Variants in SLIT2 observed in about 807,000 individuals in gnomAD.
The protein encoded by SLIT2 is slit homolog 2 protein.
In SLIT2, 41 loss-of-function variants were observed where a neutral mutation model predicts 185.7. The ratio of observed to expected loss-of-function variants is 0.22; its 90% CI spans 0.17 to 0.29. SLIT2 has a LOEUF of 0.29. SLIT2 is among the 10% of genes least tolerant of loss of function. The pLI is 1.00. For synonymous variants in SLIT2, 693 were observed against 680.2 expected (o/e 1.02, Z -0.29); for missense variants, 1,571 against 1,909.0 (o/e 0.82, Z 3.30).
At chr4:20,255,043 G>T in intron 1 of SLIT2, 1 of 456,320 alleles carries the variant, frequency 2.2e-6, no homozygotes, top group Middle Eastern at 3.3e-4. Context: ...TGAACGCCGA[G>T]GCCGCCGCCC....
At position 20,432,951 on chromosome 4, in the gene SLIT2, A is replaced by G. The variant is rs539821894; in HGVS notation, c.396-34801A>G. Among the ~76,000 whole-genome samples the G allele has an allele frequency of 3.5e-4, 54 of 152,188 alleles. 1 individual carries two copies. The South Asian group carries it at 0.011, about 30-fold the overall frequency. ...AATTTTAAAAATTCACAAAGATGAT[A>G]TTTTTTTCCTTCATAGCCACATTAC... On this transcript the variant is annotated intron_variant, in intron 4 of 36. Coordinates refer to ENST00000504154, the MANE Select transcript of SLIT2 (RefSeq NM_004787.4).
intron 29 of SLIT2, among the ~76,000 whole-genome samples, chr4:20,589,118 G>A (rs1390171022): frequency 6.6e-6 from 1 of 152,074 alleles, no homozygotes; most frequent in Non-Finnish European, 1.5e-5. Context: ...TTTCATTTAT[G>A]TCAAGCTCAA....
chr4:20,333,394 A>G (rs148044636), intron 4 of SLIT2, among the ~76,000 whole-genome samples: 1 of 152,280 alleles, frequency 6.6e-6, no homozygotes, highest in East Asian at 1.9e-4. Context: ...ATGCCCTTGA[A>G]TCATTCTTTA....
chr4:20,299,405 C>T (rs865996807), intron 4 of SLIT2, among the ~76,000 whole-genome samples: 25 of 152,052 alleles, frequency 1.6e-4, no homozygotes, highest in African/African-American at 5.6e-4. Flanking sequence ...TTGTACAGTT[C>T]GTTCAAAGGA....
At chr4:20,324,653 CTA>C (rs1719403188) in intron 4 of SLIT2, among the ~76,000 whole-genome samples, 1 of 152,090 alleles carries the variant, frequency 6.6e-6, no homozygotes, top group South Asian at 2.1e-4. Context: ...CACAGAATAA[CTA>C]TGTGATGTAG....
chr4:20,347,105 T>C (rs1299707301), intron 4 of SLIT2, among the ~76,000 whole-genome samples: 1 of 152,162 alleles, frequency 6.6e-6, no homozygotes, highest in Non-Finnish European at 1.5e-5. Context: ...TTGGAAAATA[T>C]CAGAAAATGA....
intron 29 of SLIT2, among the ~76,000 whole-genome samples, chr4:20,576,738 A>T (rs1283077743): frequency 6.6e-6 from 1 of 152,218 alleles, no homozygotes; most frequent in Non-Finnish European, 1.5e-5. Context: ...CTCAAAAAAA[A>T]GTTTTAAAGA....
At position 20,609,056 on chromosome 4, in the gene SLIT2, G is replaced by A. The variant is rs572543438; in HGVS notation, c.3693-957G>A. Among the ~76,000 whole-genome samples the A allele has an allele frequency of 2.1e-4, 32 of 152,162 alleles. 1 individual carries two copies. Among genetic ancestry groups the A allele is most frequent in the South Asian group, 4.1e-4 (2 of 4,824 alleles). The stretch of plus-strand genomic sequence containing the variant: ...CGTGTATTGGTCCTATTTCTTCTTT[G>A]GTCCTGTTTCATTGGTCTGGTTTGC... On this transcript the variant is annotated intron_variant, in intron 33 of 36. Coordinates refer to ENST00000504154, the MANE Select transcript of SLIT2 (RefSeq NM_004787.4).
rs367855245 is a variant in SLIT2, at chr4:20,417,436, GTATA to G, written c.396-50297_396-50294del. On this transcript the variant is annotated intron_variant, in intron 4 of 36. Transcript: ENST00000504154. ...CGCAATCATATATATATGTGTGTGTGTATATATATATATATATATATACGTATAT... is the reference window on the plus strand; with the variant it reads ...CGCAATCATATATATATGTGTGTGTGTATATATATATATATATACGTATAT... 6.9e-4 allele frequency among the ~76,000 whole-genome samples: 85 copies of G among 123,656 alleles called. 1 individual carries two copies. Among genetic ancestry groups the G allele is most frequent in the Non-Finnish European group, 1.2e-3 (66 of 56,750 alleles). 81.1% of individuals were successfully genotyped at this position (123,656 alleles called of 152,430 possible). A position where few individuals can be genotyped will look rare whatever the true frequency, so the allele number is the denominator to read the frequency against.
chr4:20,292,454 G>A (rs1716047303), intron 4 of SLIT2, among the ~76,000 whole-genome samples: 1 of 152,170 alleles, frequency 6.6e-6, no homozygotes, highest in African/African-American at 2.4e-5. Flanking sequence ...AGGAGTTTGA[G>A]AGTAGCTTTC....
chr4:20,592,679 C>A (rs2148952698), intron 30 of SLIT2, among the ~76,000 whole-genome samples: 1 of 152,110 alleles, frequency 6.6e-6, no homozygotes, highest in East Asian at 1.9e-4. Context: ...TGTTTCAAAG[C>A]ATTTCTTCTT....
At chr4:20,368,871 C>T (rs1299918864) in intron 4 of SLIT2, among the ~76,000 whole-genome samples, 2 of 152,020 alleles carry the variant, frequency 1.3e-5, no homozygotes, top group Admixed American at 6.6e-5. Context: ...CTCCTGAAAC[C>T]CTGGGGTTGA....
At chr4:20,572,514 T>C (rs1725695797) in intron 29 of SLIT2, among the ~76,000 whole-genome samples, 1 of 152,220 alleles carries the variant, frequency 6.6e-6, no homozygotes, top group South Asian at 2.1e-4. Flanking sequence ...AAGACATTTC[T>C]TGGAGCTAAA....
In SLIT2 at chr4:20,541,617, A is replaced by G. The variant is rs1201553258; in HGVS notation, c.2141A>G (p.Asp714Gly). The G allele has an allele frequency of 6.2e-7, 1 of 1,613,342 alleles. No individual in the cohort carries two copies. The highest frequency in any genetic ancestry group is 2.2e-5 in the East Asian group (1 of 44,886). ...GCCATTCAGGACTTCACTTGTGATG[A>G]CGGTAAGAAATACTTATCAACTCTT... ...DVAIQDFTCD[D>G]GNDDNSCSPL... Residue 714 changes from aspartate to glycine, a missense_variant and splice_region_variant, in exon 20 of 37, where the codon GAC becomes GGC. Around this residue, in one of 3 missense-constraint regions of SLIT2, gnomAD observed 1,202 missense variants for 1,416.4 expected, o/e 0.85. Transcript: ENST00000504154.
At chr4:20,472,598 C>CGATATATATAGATATATCGATA (rs1243899697) in intron 5 of SLIT2, among the ~76,000 whole-genome samples, 79 of 7,774 alleles carry the variant, frequency 0.01, 31 homozygotes, top group East Asian at 0.071. Context: ...AGATATATAT[C>CGATATATATAGATATATCGATA]TATAGATATA....
intron 4 of SLIT2, among the ~76,000 whole-genome samples, chr4:20,415,304 A>G (rs1280907577): frequency 1.4e-5 from 2 of 148,008 alleles, no homozygotes; most frequent in African/African-American, 2.5e-5. Flanking sequence ...CCAGCTACTC[A>G]GGAGGCTGAG....
intron 4 of SLIT2, among the ~76,000 whole-genome samples, chr4:20,335,055 C>T (rs910642221): frequency 6.6e-6 from 1 of 152,158 alleles, no homozygotes; most frequent in African/African-American, 2.4e-5. Context: ...GGTGTTCTTT[C>T]TGTGTAGTCC....
intron 4 of SLIT2, among the ~76,000 whole-genome samples, chr4:20,349,457 C>A (rs1721692126): frequency 6.6e-6 from 1 of 152,040 alleles, no homozygotes; most frequent in African/African-American, 2.4e-5. Flanking sequence ...TGCAGTAGTT[C>A]CCTTTTTTAT....
intron 4 of SLIT2, among the ~76,000 whole-genome samples, chr4:20,368,960 T>C (rs1240887911): frequency 1.3e-5 from 2 of 152,132 alleles, no homozygotes; most frequent in Non-Finnish European, 2.9e-5. Flanking sequence ...TCCTCAATGA[T>C]GGAGACAGAA....
Sources: gnomAD v4.1 joint callset for allele counts (sites outside exome capture counted in the v4.1 genomes callset) on GRCh38, gnomAD v4.1.1 for gene constraint, gnomAD v4.1.1 regional missense constraint, MANE v1.5 for transcripts, NCBI Gene and HGNC (gene_info 2026-07-23, HGNC 2026-07-21) for gene names.